Variants in CACNA2D4 observed in about 807,000 individuals in gnomAD.
CACNA2D4 encodes calcium voltage-gated channel auxiliary subunit alpha2delta 4.
CACNA2D4 carries 157 observed loss-of-function variants against 163.8 expected under a neutral mutation model. The observed-to-expected ratio is 0.96, with a 90% CI of 0.84 to 1.09. CACNA2D4 has a LOEUF of 1.09. Among genes scored for constraint, CACNA2D4 ranks in the 50% least tolerant of loss-of-function variants. CACNA2D4 has a pLI of 0.00. For missense variants in CACNA2D4, 1,410 were observed against 1,479.9 expected, an observed-to-expected ratio of 0.95 and a Z score of 0.78; for synonymous variants, 598 against 586.9, an observed-to-expected ratio of 1.02 and a Z score of -0.27.
intron 26 of CACNA2D4, among the ~76,000 whole-genome samples, chr12:1,837,013 C>T (rs1202162792): frequency 6.6e-6 from 1 of 152,234 alleles, no homozygotes; most frequent in African/African-American, 2.4e-5. Context: ...ATGGTACATC[C>T]ACCCTGGCCT....
chr12:1,899,495 GATA>G (rs1866488478), intron 6 of CACNA2D4, among the ~76,000 whole-genome samples: 2 of 152,068 alleles, frequency 1.3e-5, no homozygotes, highest in Non-Finnish European at 2.9e-5. Context: ...TTTAAAAGAT[GATA>G]ATAAGAGAAT....
chr12:1,914,972 G>C, intron 1 of CACNA2D4, 37 bp from the exon 2 acceptor site: 2 of 1,445,832 alleles, frequency 1.4e-6, no homozygotes, highest in Non-Finnish European at 9.7e-7. Context: ...ATACACACAC[G>C]TACACGCACA....
At position 1,828,250 on chromosome 12, in the gene CACNA2D4, G is replaced by A. The variant is rs1864445541; in HGVS notation, c.2551+12489C>T. ...CCCCTGGCCTCGGAGGGGGGTGCGGGTTGGGTGGGGGTGCCGAGGTGACTG... is the reference window on the plus strand; with the variant it reads ...CCCCTGGCCTCGGAGGGGGGTGCGGATTGGGTGGGGGTGCCGAGGTGACTG... On this transcript the variant is annotated intron_variant, in intron 26 of 37. Coordinates refer to ENST00000382722, the MANE Select transcript of CACNA2D4 (RefSeq NM_172364.5). This position sits in a 1 kb window ranked among gnomAD's most constrained non-coding sequence, Gnocchi z 4.2. The A allele has an allele frequency of 4.1e-6, 6 of 1,480,180 alleles. No individual in the cohort carries two copies. The African/African-American group carries it at 7.0e-5, about 17-fold the overall frequency. The allele number at this position is 1,480,180 out of a possible 1,614,324, so 91.7% of individuals were successfully genotyped here.
intron 12 of CACNA2D4, 183 bp downstream of exon 12, chr12:1,884,060 C>T: frequency 1.7e-6 from 1 of 573,594 alleles, no homozygotes. Flanking sequence ...GGAGACAGAG[C>T]TGACATTGTC....
chr12:1,811,883 T>TG, intron 26 of CACNA2D4, 160 bp from the exon 27 acceptor site: 3 of 600,860 alleles, frequency 5.0e-6, no homozygotes, highest in East Asian at 3.1e-5. Context: ...CTGGGGTTTC[T>TG]GGGGAGTGGG....
chr12:1,832,905 A>G (rs1200308436), intron 26 of CACNA2D4, among the ~76,000 whole-genome samples: 1 of 152,238 alleles, frequency 6.6e-6, no homozygotes, highest in Non-Finnish European at 1.5e-5. Flanking sequence ...TCTTCCCAGC[A>G]GGGAAATGAG....
chr12:1,849,281 TCTTAA>T (rs1171772278), intron 23 of CACNA2D4, among the ~76,000 whole-genome samples: 2 of 152,240 alleles, frequency 1.3e-5, no homozygotes, highest in Non-Finnish European at 1.5e-5. Context: ...TTCCATCTAA[TCTTAA>T]CTTCTCTGAT....
intron 26 of CACNA2D4, among the ~76,000 whole-genome samples, chr12:1,818,083 C>T (rs1863942701): frequency 6.7e-6 from 1 of 149,918 alleles, no homozygotes; most frequent in African/African-American, 2.5e-5. Context: ...GTGGGGAGCG[C>T]CTCTGCCCCA....
At chr12:1,839,528 G>A (rs1417298871) in intron 26 of CACNA2D4, among the ~76,000 whole-genome samples, 1 of 152,244 alleles carries the variant, frequency 6.6e-6, no homozygotes, top group Non-Finnish European at 1.5e-5. Flanking sequence ...GGCGGTCTGC[G>A]TTCAAATCCC....
chr12:1,876,271 TTGAA>T (rs1451361222), intron 16 of CACNA2D4, among the ~76,000 whole-genome samples: 1 of 152,226 alleles, frequency 6.6e-6, no homozygotes, highest in Non-Finnish European at 1.5e-5. Context: ...GATAAAATAT[TTGAA>T]TGGGACGGAG....
Position 1,874,794 on chromosome 12 carries a change from CCT to C in CACNA2D4, c.1807-121_1807-120del. ...AAACACTTTTGGTTCTTCCCTTTTT[CCT>C]CTGAGAGAGATACCAGGAGGGAAGA... is the stretch of plus-strand genomic sequence containing the variant. On this transcript the variant is annotated intron_variant, in intron 17 of 37. Transcript: ENST00000382722. This position sits in a 1 kb window ranked among gnomAD's most constrained non-coding sequence, Gnocchi z 4.4. 4.0e-6 allele frequency: 3 copies of C among 750,444 alleles called. 1 individual carries two copies. Among genetic ancestry groups the C allele is most frequent in the Non-Finnish European group, 2.4e-6 (1 of 420,502 alleles). The allele number at this position is 750,444 out of a possible 1,614,324, so 46.5% of individuals were successfully genotyped here.
chr12:1,854,412 G>T (rs1315639108), intron 22 of CACNA2D4, among the ~76,000 whole-genome samples: 1 of 151,966 alleles, frequency 6.6e-6, no homozygotes, highest in African/African-American at 2.4e-5. Flanking sequence ...ATTTTTTGTT[G>T]TTGTTGTTGT....
At chr12:1,915,943 C>T (rs1260964655) in intron 1 of CACNA2D4, among the ~76,000 whole-genome samples, 3 of 152,184 alleles carry the variant, frequency 2.0e-5, no homozygotes, top group Admixed American at 6.5e-5. Flanking sequence ...CTTTGTCATG[C>T]GGGTAGCATA....
Position 1,795,173 on chromosome 12 carries a change from G to A in CACNA2D4, c.3309+126C>T, listed in dbSNP as rs556560486. ...GGGCATAAACGCGAATGTTTCCCCC[G>A]AGAAGCACAGGCACAGGTGTGTTCA... On this transcript the variant is annotated intron_variant, in intron 37 of 37. Coordinates refer to ENST00000382722, the MANE Select transcript of CACNA2D4 (RefSeq NM_172364.5). 9.4e-6 allele frequency: 7 copies of A among 744,452 alleles called. No homozygotes were observed. In the East Asian group the frequency reaches 1.4e-4, roughly 14 times the overall value. 46.1% of individuals were successfully genotyped at this position (744,452 alleles called of 1,614,324 possible). A position where few individuals can be genotyped will look rare whatever the true frequency, so the allele number is the denominator to read the frequency against.
chr12:1,837,750 A>G (rs1273335529), intron 26 of CACNA2D4, among the ~76,000 whole-genome samples: 1 of 152,064 alleles, frequency 6.6e-6, no homozygotes, highest in Non-Finnish European at 1.5e-5. Context: ...TTGCTCTCCT[A>G]TAGCCCTAAT....
At chr12:1,909,773 G>A (rs1866768004) in intron 4 of CACNA2D4, 133 bp downstream of exon 4, 2 of 719,200 alleles carry the variant, frequency 2.8e-6, no homozygotes, top group South Asian at 3.4e-5. Flanking sequence ...TGCTGTGCCT[G>A]TGAGGGGTGA....
At chr12:1,857,029 G>T (rs1396690469) in intron 20 of CACNA2D4, among the ~76,000 whole-genome samples, 1 of 152,232 alleles carries the variant, frequency 6.6e-6, no homozygotes, top group East Asian at 1.9e-4. Flanking sequence ...ACTCCCAGGA[G>T]TGGGTATAAG....
chr12:1,834,352 C>T lies in CACNA2D4; in HGVS notation c.2551+6387G>A. 2 of 1,613,124 alleles carry T rather than the reference C, an allele frequency of 1.2e-6. No homozygotes were observed. The highest frequency in any genetic ancestry group is 1.7e-6 in the Non-Finnish European group (2 of 1,179,974). ...GGATGGTCCCCATGGAGATGTTCAA[C>T]TACTGCTCCCAGCTGGAGGACGAGA... On this transcript the variant is annotated intron_variant, in intron 26 of 37. Transcript: ENST00000382722. This position sits in a 1 kb window ranked among gnomAD's most constrained non-coding sequence, Gnocchi z 7.6.
intron 3 of CACNA2D4, among the ~76,000 whole-genome samples, chr12:1,912,213 T>G (rs778550188): frequency 1.3e-5 from 2 of 152,166 alleles, no homozygotes; most frequent in African/African-American, 2.4e-5. Context: ...ATCTCCTCTC[T>G]CCTTGTTCTC....
Sources: gnomAD v4.1 joint callset for allele counts (sites outside exome capture counted in the v4.1 genomes callset) on GRCh38, gnomAD v4.1.1 for gene constraint, Gnocchi (gnomAD v3.1) non-coding constraint, MANE v1.5 for transcripts, NCBI Gene and HGNC (gene_info 2026-07-23, HGNC 2026-07-21) for gene names.